Variants in TDRP observed in about 807,000 individuals in gnomAD.
TDRP encodes testis development-related protein.
TDRP carries 12 observed loss-of-function variants against 10.5 expected under a neutral mutation model. The observed-to-expected ratio is 1.15, with a 90% CI of 0.73 to 1.86. The LOEUF (loss-of-function observed/expected upper bound fraction) is 1.86. TDRP is among the 40% of genes most tolerant of loss of function. The pLI is 0.00. For synonymous variants in TDRP, 139 were observed against 95.4 expected (o/e 1.46, Z -2.67); for missense variants, 353 against 229.2 (o/e 1.54, Z -3.49).
intron 1 of TDRP, among the ~76,000 whole-genome samples, chr8:504,162 C>G (rs754753133): frequency 2.6e-5 from 4 of 152,242 alleles, no homozygotes; most frequent in African/African-American, 7.2e-5. Flanking sequence ...TCACTGGTTG[C>G]TCAGTCCCCT....
chr8:520,645 G>A (rs1301121724), intron 1 of TDRP, among the ~76,000 whole-genome samples: 1 of 152,206 alleles, frequency 6.6e-6, no homozygotes, highest in East Asian at 1.9e-4. Flanking sequence ...ACTAATGGTT[G>A]TGAGGTGACA....
intron 1 of TDRP, among the ~76,000 whole-genome samples, chr8:543,880 C>T (rs1254702248): frequency 2.4e-5 from 3 of 126,610 alleles, no homozygotes; most frequent in Non-Finnish European, 4.6e-5. Context: ...GGATTTCTGA[C>T]CTAAATTTCA....
chr8:518,648 C>T (rs1453105646), intron 1 of TDRP, among the ~76,000 whole-genome samples: 1 of 151,942 alleles, frequency 6.6e-6, no homozygotes, highest in East Asian at 1.9e-4. Flanking sequence ...AAGAGTTATT[C>T]CTTTTAAATG....
chr8:507,667 G>A (rs759103025), intron 1 of TDRP, among the ~76,000 whole-genome samples: 1 of 152,148 alleles, frequency 6.6e-6, no homozygotes, highest in South Asian at 2.1e-4. Flanking sequence ...GCAGGGTGGA[G>A]AATTGACTTC....
intron 1 of TDRP, among the ~76,000 whole-genome samples, chr8:517,234 G>C (rs534379451): frequency 2.0e-5 from 3 of 152,086 alleles, no homozygotes; most frequent in African/African-American, 7.2e-5. Flanking sequence ...CATGACAGCA[G>C]GCCCTAAAGG....
chr8:517,477 T>C (rs1801788535), intron 1 of TDRP, among the ~76,000 whole-genome samples: 1 of 152,154 alleles, frequency 6.6e-6, no homozygotes, highest in Admixed American at 6.5e-5. Context: ...AACCTGGGCT[T>C]CCACAACCTC....
At chr8:532,371 C>T (rs1385184345) in intron 1 of TDRP, among the ~76,000 whole-genome samples, 4 of 152,160 alleles carry the variant, frequency 2.6e-5, no homozygotes, top group Non-Finnish European at 5.9e-5. Context: ...CACATATTAG[C>T]CCCCAGGCTC....
intron 1 of TDRP, among the ~76,000 whole-genome samples, chr8:518,983 G>C (rs183790014): frequency 1.2e-4 from 19 of 152,266 alleles, no homozygotes; most frequent in African/African-American, 4.3e-4. Flanking sequence ...TAGAGCTTCA[G>C]GATGGAGTCT....
chr8:526,294 A>C (rs889746872), intron 1 of TDRP, among the ~76,000 whole-genome samples: 2 of 152,172 alleles, frequency 1.3e-5, no homozygotes, highest in South Asian at 2.1e-4. Context: ...CACCATGCCC[A>C]GACTCTAGTT....
At chr8:507,236 G>T (rs1048844493) in intron 1 of TDRP, among the ~76,000 whole-genome samples, 1 of 152,180 alleles carries the variant, frequency 6.6e-6, no homozygotes, top group South Asian at 2.1e-4. Flanking sequence ...TCAACACATG[G>T]GGATTGCAAT....
In TDRP at chr8:492,448, C is replaced by T. The variant is rs1418572853; in HGVS notation, c.509G>A (p.Arg170Gln). 15 of 1,595,194 alleles carry T rather than the reference C, an allele frequency of 9.4e-6. No individual in the cohort carries two copies. The highest frequency in any genetic ancestry group is 1.7e-4 in the Middle Eastern group (1 of 5,958). ...TGTCAGGTGGCCTTTACTCTGCCGT[C>T]GGATGCTCACCAGCCTCCCTGCCGC... is the stretch of plus-strand genomic sequence containing the variant. Reference protein sequence around the residue: ...LRAAGRLVSIRRQSKGHLTDS... With the variant: ...LRAAGRLVSIQRQSKGHLTDS... The change falls in exon 3 of 3, where the codon CGA becomes CAA. Residue 170 changes from arginine to glutamine, a missense_variant. Coordinates refer to ENST00000324079, the MANE Select transcript of TDRP (RefSeq NM_001384899.1).
intron 1 of TDRP, among the ~76,000 whole-genome samples, chr8:500,464 A>T (rs1801259818): frequency 6.6e-6 from 1 of 152,126 alleles, no homozygotes; most frequent in Non-Finnish European, 1.5e-5. Context: ...CCTTGTTTAG[A>T]AGAACTGAAC....
At chr8:496,563 T>C (rs7015236) in intron 1 of TDRP, among the ~76,000 whole-genome samples, 3,003 of 152,330 alleles carry the variant, frequency 0.02, 91 homozygotes, top group African/African-American at 0.068. Flanking sequence ...CAAGTTGTTA[T>C]GTTCCCCATT....
chr8:517,673 T>C (rs959303156), intron 1 of TDRP, among the ~76,000 whole-genome samples: 8 of 152,354 alleles, frequency 5.3e-5, no homozygotes, highest in African/African-American at 1.2e-4. Context: ...ACTGTAACTT[T>C]TGTCCCCCTA....
At chr8:503,317 T>C (rs4735851) in intron 1 of TDRP, among the ~76,000 whole-genome samples, 121,149 of 146,882 alleles carry the variant, frequency 0.82, 49,030 homozygotes, top group Admixed American at 0.87. Flanking sequence ...GAATGCAGAG[T>C]CACACACTGG....
At chr8:512,734 G>C (rs900771273) in intron 1 of TDRP, among the ~76,000 whole-genome samples, 1 of 152,180 alleles carries the variant, frequency 6.6e-6, no homozygotes, top group Non-Finnish European at 1.5e-5. Flanking sequence ...CAGCATTTTT[G>C]TAGGCAAAGG....
chr8:498,712 G>C (rs1026655987), intron 1 of TDRP, among the ~76,000 whole-genome samples: 5 of 152,250 alleles, frequency 3.3e-5, no homozygotes, highest in African/African-American at 1.2e-4. Context: ...AGAATGATGT[G>C]GTTTGTCTCT....
At chr8:538,854 C>G (rs965107043) in intron 1 of TDRP, among the ~76,000 whole-genome samples, 1 of 152,184 alleles carries the variant, frequency 6.6e-6, no homozygotes, top group Non-Finnish European at 1.5e-5. Flanking sequence ...TGAAGACATG[C>G]GCATCTCACC....
At chr8:515,451 T>C (rs1382780501) in intron 1 of TDRP, among the ~76,000 whole-genome samples, 1 of 152,204 alleles carries the variant, frequency 6.6e-6, no homozygotes, top group Non-Finnish European at 1.5e-5. Flanking sequence ...TTTTGAAATA[T>C]TTGCATTATA....
Sources: gnomAD v4.1 joint callset for allele counts (sites outside exome capture counted in the v4.1 genomes callset) on GRCh38, gnomAD v4.1.1 for gene constraint, MANE v1.5 for transcripts, NCBI Gene and HGNC (gene_info 2026-07-23, HGNC 2026-07-21) for gene names.